Variants in RALY observed in about 807,000 individuals in gnomAD.
RALY encodes RALY heterogeneous nuclear ribonucleoprotein.
In RALY, 15 loss-of-function variants were observed where a neutral mutation model predicts 30.7. That is an observed-to-expected ratio of 0.49 (90% CI 0.33 to 0.75). RALY has a LOEUF of 0.75. RALY is among the 30% of genes least tolerant of loss of function. The pLI is 0.02. For missense variants in RALY, 339 were observed against 414.3 expected, an observed-to-expected ratio of 0.82 and a Z score of 1.58; for synonymous variants, 177 against 170.8, an observed-to-expected ratio of 1.04 and a Z score of -0.28.
chr20:34,037,329 T>A (rs893335832), intron 2 of RALY, among the ~76,000 whole-genome samples: 11 of 152,116 alleles, frequency 7.2e-5, no homozygotes, highest in Non-Finnish European at 1.5e-5. Context: ...TAGCAGGAAG[T>A]CAGGTGACAC....
At chr20:34,076,502 C>T (rs1283102684) in intron 6 of RALY, among the ~76,000 whole-genome samples, 200 bp from the exon 7 acceptor site, 2 of 152,202 alleles carry the variant, frequency 1.3e-5, no homozygotes, top group African/African-American at 4.8e-5. Flanking sequence ...GAAAAGATAG[C>T]CAGGTTCAGA....
chr20:34,062,447 A>C (rs2033444845), intron 2 of RALY, among the ~76,000 whole-genome samples: 1 of 152,232 alleles, frequency 6.6e-6, no homozygotes, highest in Non-Finnish European at 1.5e-5. Flanking sequence ...TGTCTGTGAA[A>C]TGTGACTAGG....
chr20:34,076,946 GC>G, intron 7 of RALY, 81 bp from the exon 8 acceptor site: 1 of 1,604,954 alleles, frequency 6.2e-7, no homozygotes, highest in Non-Finnish European at 8.5e-7. Context: ...CCATGCTGAG[GC>G]CAGCTTCCGC....
intron 5 of RALY, among the ~76,000 whole-genome samples, chr20:34,075,671 G>A (rs2033853662): frequency 6.6e-6 from 1 of 152,116 alleles, no homozygotes. Flanking sequence ...TGGAGAGGTT[G>A]TAGTGAGGTA....
At chr20:33,998,895 G>A (rs1157628243) in intron 1 of RALY, among the ~76,000 whole-genome samples, 1 of 152,048 alleles carries the variant, frequency 6.6e-6, no homozygotes, top group Non-Finnish European at 1.5e-5. Context: ...GGGAGGCTGA[G>A]GTGGGTGGAT....
intron 1 of RALY, chr20:34,017,797 C>A (rs750747917): frequency 6.6e-6 from 1 of 152,222 alleles, no homozygotes; most frequent in Non-Finnish European, 1.5e-5. Context: ...TATAGTTGGT[C>A]ATTCAACAGA....
intron 1 of RALY, among the ~76,000 whole-genome samples, chr20:34,006,653 T>C (rs2031171374): frequency 6.6e-6 from 1 of 152,122 alleles, no homozygotes; most frequent in African/African-American, 2.4e-5. Flanking sequence ...CTGTACCCAT[T>C]GTATATTTAG....
chr20:34,074,562 C>T (rs959536689), intron 5 of RALY, among the ~76,000 whole-genome samples: 9 of 152,186 alleles, frequency 5.9e-5, no homozygotes, highest in Non-Finnish European at 1.2e-4. Flanking sequence ...CCCACCCCGC[C>T]CCTGTGAGTC....
rs2032496630 is a variant in RALY at position 34,036,353 on chromosome 20, T to G, written c.-10+4749T>G. On this transcript the variant is annotated intron_variant, in intron 2 of 9. Transcript: ENST00000246194. ...GTTGGATTTTGTTGATTTTATGGTC[T>G]TTGTTCTTTATTCTACATTGACATT... Among the ~76,000 whole-genome samples the G allele has an allele frequency of 2.0e-5, 3 of 152,378 alleles. No homozygotes were observed. The South Asian group carries it at 6.2e-4, about 32-fold the overall frequency.
intron 1 of RALY, among the ~76,000 whole-genome samples, chr20:34,000,134 C>T (rs565247355): frequency 6.6e-6 from 1 of 152,244 alleles, no homozygotes; most frequent in Admixed American, 6.5e-5. Flanking sequence ...TGTTAACCTG[C>T]TTGTCCTACA....
intron 3 of RALY, among the ~76,000 whole-genome samples, chr20:34,073,189 A>G (rs922934555): frequency 3.3e-5 from 5 of 151,742 alleles, no homozygotes; most frequent in Non-Finnish European, 7.4e-5. Context: ...ATGTGAATGT[A>G]TGTGTGAGTG....
At chr20:34,013,064 T>C (rs1211257763) in intron 1 of RALY, among the ~76,000 whole-genome samples, 1 of 152,204 alleles carries the variant, frequency 6.6e-6, no homozygotes, top group East Asian at 1.9e-4. Context: ...TATTCAACAC[T>C]GTATTATAAA....
At chr20:34,007,300 T>TCA (rs2031201324) in intron 1 of RALY, among the ~76,000 whole-genome samples, 1 of 152,062 alleles carries the variant, frequency 6.6e-6, no homozygotes, top group Non-Finnish European at 1.5e-5. Flanking sequence ...GGCAGGCGGA[T>TCA]CACGAGGTCA....
intron 1 of RALY, among the ~76,000 whole-genome samples, chr20:34,016,109 A>T (rs2031598750): frequency 6.6e-6 from 1 of 152,156 alleles, no homozygotes. Context: ...ATGCCCACAT[A>T]ATCTCTGCCC....
At chr20:34,032,745 G>A (rs1022125725) in intron 2 of RALY, among the ~76,000 whole-genome samples, 4 of 152,158 alleles carry the variant, frequency 2.6e-5, no homozygotes, top group Non-Finnish European at 4.4e-5. Flanking sequence ...AATCTATAAA[G>A]TTGATGTTAG....
At chr20:34,054,578 C>T (rs2033181258) in intron 2 of RALY, among the ~76,000 whole-genome samples, 1 of 152,210 alleles carries the variant, frequency 6.6e-6, no homozygotes, top group Admixed American at 6.5e-5. Context: ...GTAATCCCAG[C>T]ACTTCGGGAG....
chr20:34,018,796 C>A (rs1007998358), intron 1 of RALY, among the ~76,000 whole-genome samples: 6 of 152,174 alleles, frequency 3.9e-5, no homozygotes, highest in Non-Finnish European at 7.3e-5. Flanking sequence ...ATAGAGGTTC[C>A]TTTGCATCCG....
chr20:34,017,658 A>G (rs576772583), intron 1 of RALY: 1 of 152,302 alleles, frequency 6.6e-6, no homozygotes, highest in East Asian at 1.9e-4. Context: ...TTTCTCCTCT[A>G]CGGAGTGCAG....
intron 2 of RALY, among the ~76,000 whole-genome samples, chr20:34,037,761 T>TAGGTC (rs2032552893): frequency 6.6e-6 from 1 of 152,112 alleles, no homozygotes; most frequent in Non-Finnish European, 1.5e-5. Context: ...TGGGATAGAG[T>TAGGTC]CTGAGAAGGT....
Sources: gnomAD v4.1 joint callset for allele counts (sites outside exome capture counted in the v4.1 genomes callset) on GRCh38, gnomAD v4.1.1 for gene constraint, MANE v1.5 for transcripts, NCBI Gene and HGNC (gene_info 2026-07-23, HGNC 2026-07-21) for gene names.